KLHL12: variants seen among roughly 807,000 people sequenced by gnomAD.
KLHL12 encodes kelch like family member 12.
Under a neutral mutation model 60.8 loss-of-function variants are expected in KLHL12, and 17 were observed. That is an observed-to-expected ratio of 0.28 (90% CI 0.19 to 0.42). The LOEUF is 0.42. Among genes scored for constraint, KLHL12 ranks in the 10% least tolerant of loss-of-function variants. KLHL12 has a pLI of 1.00. For missense variants in KLHL12, 468 were observed against 722.3 expected (o/e 0.65, Z 4.04); for synonymous variants, 220 against 250.9 (o/e 0.88, Z 1.16).
intron 7 of KLHL12, among the ~76,000 whole-genome samples, chr1:202,896,564 C>T (rs980046744): frequency 2.0e-5 from 3 of 152,148 alleles, no homozygotes; most frequent in Non-Finnish European, 2.9e-5. Context: ...TAACACAGCA[C>T]GACCAATGAA....
At position 202,896,846 on chromosome 1, in the gene KLHL12, T is replaced by C. The variant is rs1475760995; in HGVS notation, c.939+8A>G. The C allele has an allele frequency of 2.5e-6, 4 of 1,602,264 alleles. No individual in the cohort carries two copies. The highest frequency in any genetic ancestry group is 3.4e-6 in the Non-Finnish European group (4 of 1,169,208). ...TCCCTCCCAACGAATGGTTTCACCA[T>C]TATTTACTGGCAAAAAGCTCCACTC... On this transcript the variant is annotated splice_region_variant and intron_variant, in intron 7 of 11. Transcript: ENST00000367261.
chr1:202,911,811 C>T (rs537778988), intron 4 of KLHL12: 134 of 726,686 alleles, frequency 1.8e-4, no homozygotes, highest in African/African-American at 1.8e-3. Context: ...TCCCTGCCGT[C>T]ATGTCTAAGT....
chr1:202,893,184 C>G lies in KLHL12; in HGVS notation c.1580+55G>C, dbSNP rs1421154638. 1 of 1,416,804 alleles carries G rather than the reference C, an allele frequency of 7.1e-7. No homozygotes were observed. The highest frequency in any genetic ancestry group is 9.6e-7 in the Non-Finnish European group (1 of 1,039,412). 87.8% of individuals were successfully genotyped at this position (1,416,804 alleles called of 1,614,324 possible). A position where few individuals can be genotyped will look rare whatever the true frequency, so the allele number is the denominator to read the frequency against. On this transcript the variant is annotated intron_variant, in intron 11 of 11. Coordinates refer to ENST00000367261, the MANE Select transcript of KLHL12 (RefSeq NM_021633.4). The surrounding 1 kb of genome is among the most constrained non-coding windows in gnomAD (Gnocchi z 4.1). ...CTGTCCAAAAATGAGGATCAGATCA[C>G]ATAGACTCTTGCTCTGGCTACATAT...
rs200261542 is a variant in KLHL12 at position 202,912,988 on chromosome 1, A to AT, written c.568-1786dup. On this transcript the variant is annotated intron_variant, in intron 4 of 11. Transcript: ENST00000367261. ...ATTCCAACAAAGGGTTTTAATGCAG[A>AT]TTTTTTTTTTTTTGGCACCCATGCT... Among the ~76,000 whole-genome samples the AT allele has an allele frequency of 6.5e-3, 948 of 145,294 alleles. 6 individuals are homozygous for AT. Among genetic ancestry groups the AT allele is most frequent in the African/African-American group, 0.021 (823 of 39,814 alleles).
intron 6 of KLHL12, among the ~76,000 whole-genome samples, chr1:202,904,269 G>A (rs1411237780): frequency 3.3e-5 from 5 of 152,200 alleles, no homozygotes; most frequent in African/African-American, 7.2e-5. Flanking sequence ...CTCCCAAAGC[G>A]CTGGGATTAC....
intron 1 of KLHL12, among the ~76,000 whole-genome samples, chr1:202,925,533 G>A (rs1653496874): frequency 1.3e-5 from 2 of 152,076 alleles, no homozygotes; most frequent in Non-Finnish European, 2.9e-5. Flanking sequence ...ATGATAAACC[G>A]AAAATATAAA....
intron 6 of KLHL12, among the ~76,000 whole-genome samples, chr1:202,900,568 CATAAA>C (rs1318965326): frequency 6.6e-6 from 1 of 151,478 alleles, no homozygotes; most frequent in Non-Finnish European, 1.5e-5. Context: ...AATAAAGTAA[CATAAA>C]ATAAAGAAGG....
chr1:202,923,993 G>A lies in KLHL12; in HGVS notation c.195+975C>T, dbSNP rs377653358. ...TAAACAGTGATGCACCCACAACTGA[G>A]CTTTGAAAAAATAAATCAAGATAAT... On this transcript the variant is annotated intron_variant, in intron 2 of 11. Transcript: ENST00000367261. Among the ~76,000 whole-genome samples, 22 of 152,116 alleles carry A rather than the reference G, an allele frequency of 1.4e-4. No homozygotes were observed. The South Asian group carries it at 1.4e-3, about 10-fold the overall frequency.
At chr1:202,918,720 G>A (rs1425321063) in intron 3 of KLHL12, among the ~76,000 whole-genome samples, 2 of 152,150 alleles carry the variant, frequency 1.3e-5, no homozygotes, top group African/African-American at 4.8e-5. Context: ...TGCGAATTCA[G>A]CATAATGTAT....
chr1:202,896,805 C>T (rs1401270873), intron 7 of KLHL12, 49 bp downstream of exon 7: 5 of 1,357,462 alleles, frequency 3.7e-6, no homozygotes, highest in African/African-American at 2.9e-5. Flanking sequence ...GAGGCAGAGA[C>T]TGAGGACATT....
At chr1:202,912,665 A>G in intron 4 of KLHL12, 2 of 1,304,262 alleles carry the variant, frequency 1.5e-6, no homozygotes, top group South Asian at 1.2e-5. Context: ...CTGCCAAACC[A>G]CGAAACCAAG....
At chr1:202,904,008 CTATCTATT>C (rs1275363301) in intron 6 of KLHL12, among the ~76,000 whole-genome samples, 11 of 150,784 alleles carry the variant, frequency 7.3e-5, no homozygotes, top group South Asian at 2.1e-4. Context: ...ATCTATCTAT[CTATCTATT>C]TATCTATCTA....
At chr1:202,907,604 A>T (rs1405204145) in intron 6 of KLHL12, among the ~76,000 whole-genome samples, 13 of 148,798 alleles carry the variant, frequency 8.7e-5, no homozygotes, top group African/African-American at 1.2e-4. Context: ...TCTTAAAAAA[A>T]AAAAAAAAAG....
intron 1 of KLHL12, 125 bp from the exon 2 acceptor site, chr1:202,925,332 G>T: frequency 1.9e-6 from 2 of 1,079,182 alleles, no homozygotes; most frequent in Non-Finnish European, 2.6e-6. Context: ...CAAGTTGAGG[G>T]CACTCCTATG....
chr1:202,896,762 T>C, intron 7 of KLHL12, 92 bp downstream of exon 7: 6 of 959,500 alleles, frequency 6.3e-6, no homozygotes, highest in Non-Finnish European at 1.0e-5. Context: ...TATTAGGCTT[T>C]TCTACTCTTA....
At position 202,892,563 on chromosome 1, in the gene KLHL12, A is replaced by G; in HGVS notation, c.1677T>C (p.Asp559=). 6.2e-7 allele frequency: 1 copy of G among 1,614,084 alleles called. No homozygotes were observed. The highest frequency in any genetic ancestry group is 8.5e-7 in the Non-Finnish European group (1 of 1,180,034). Residue 559 remains aspartate, a synonymous_variant, in exon 12 of 12, where the codon GAT becomes GAC. Coordinates refer to ENST00000367261, the MANE Select transcript of KLHL12 (RefSeq NM_021633.4). ...VVTSMGTQRC[D]AGVCVLREK ...TCTCGCGGAGAACACAAACACCAGC[A>G]TCACAGCGCTGGGTTCCCATGGATG...
At chr1:202,906,455 CAAAAAAA>C (rs59435824) in intron 6 of KLHL12, among the ~76,000 whole-genome samples, 2 of 52,746 alleles carry the variant, frequency 3.8e-5, no homozygotes, top group African/African-American at 6.9e-5. Context: ...CGCTTCGTCT[CAAAAAAA>C]AAAAAAAAAA....
intron 6 of KLHL12, among the ~76,000 whole-genome samples, chr1:202,897,851 T>C (rs1300212823): frequency 1.3e-5 from 2 of 152,030 alleles, no homozygotes; most frequent in East Asian, 3.9e-4. Context: ...ATTACAGGAA[T>C]GAGTCACTGT....
At position 202,894,692 on chromosome 1, in the gene KLHL12, C is replaced by T. The variant is rs1476378142; in HGVS notation, c.1193G>A (p.Arg398His). 7 of 1,613,950 alleles carry T rather than the reference C, an allele frequency of 4.3e-6. No individual in the cohort carries two copies. The highest frequency in any genetic ancestry group is 2.2e-5 in the East Asian group (1 of 44,880). ...DGSRRHTSME[R>H]YDPNIDQWSM... is the part of the protein sequence containing the mutation. ...CCACTGGTCAATGTTTGGATCATAG[C>T]GCTCCATACTGGTGTGACGCCTGCT... The change falls in exon 9 of 12, where the codon CGC becomes CAC. Residue 398 changes from arginine to histidine, a missense_variant. Physicochemically the swap from Arg to His is conservative, Grantham distance 29. This residue lies in a region of KLHL12 where 339 missense variants were observed against 525.0 expected (regional missense o/e 0.65). Transcript: ENST00000367261.
Sources: gnomAD v4.1 joint callset for allele counts (sites outside exome capture counted in the v4.1 genomes callset) on GRCh38, gnomAD v4.1.1 for gene constraint, gnomAD v4.1.1 regional missense constraint, Gnocchi (gnomAD v3.1) non-coding constraint, MANE v1.5 for transcripts, NCBI Gene and HGNC (gene_info 2026-07-23, HGNC 2026-07-21) for gene names.